The following VPS13B variants were observed in gnomAD, a reference collection of about 807,000 sequenced individuals.
The protein encoded by VPS13B is vacuolar protein sorting 13 homolog B, also known as intermembrane lipid transfer protein VPS13B.
A neutral mutation model predicts 426.4 loss-of-function variants in VPS13B; 285 were observed. That is an observed-to-expected ratio of 0.67 (90% CI 0.61 to 0.74). The LOEUF is 0.74. Ranked by LOEUF, VPS13B falls within the 30% of genes least tolerant of loss-of-function variation. The probability of loss-of-function intolerance (pLI) is 0.00; values close to 1 mark genes in which losing one functional copy is unlikely to be tolerated. For synonymous variants in VPS13B, 1,676 were observed against 1,676.4 expected, an observed-to-expected ratio of 1.00 and a Z score of 0.01; for missense variants, 4,537 against 4,782.6, an observed-to-expected ratio of 0.95 and a Z score of 1.51.
chr8:99,180,199 T>TACC (rs1812871492), intron 16 of VPS13B, among the ~76,000 whole-genome samples: 1 of 152,214 alleles, frequency 6.6e-6, no homozygotes, highest in Non-Finnish European at 1.5e-5. Flanking sequence ...GTTTGTTTGC[T>TACC]ACCACACATC....
intron 32 of VPS13B, among the ~76,000 whole-genome samples, chr8:99,576,149 A>G (rs1464508122): frequency 1.3e-5 from 2 of 152,156 alleles, no homozygotes; most frequent in Non-Finnish European, 2.9e-5. Context: ...AAACTGATCA[A>G]TAGAAGAAAT....
At chr8:99,478,229 G>A (rs1316588455) in intron 24 of VPS13B, among the ~76,000 whole-genome samples, 1 of 151,380 alleles carries the variant, frequency 6.6e-6, no homozygotes, top group East Asian at 1.9e-4. Flanking sequence ...AGCATTTTGG[G>A]GTTTATATAT....
At chr8:99,279,490 C>A (rs1819061344) in intron 19 of VPS13B, among the ~76,000 whole-genome samples, 2 of 132,818 alleles carry the variant, frequency 1.5e-5, no homozygotes, top group Middle Eastern at 3.8e-3. Context: ...GAACTCCTGG[C>A]CTCACGTAAT....
chr8:99,848,704 C>G, intron 54 of VPS13B, 72 bp from the exon 55 acceptor site: 1 of 1,358,748 alleles, frequency 7.4e-7, no homozygotes, highest in African/African-American at 1.4e-5. Flanking sequence ...GAACTGGAGA[C>G]ATTTGAAGTC....
intron 35 of VPS13B, among the ~76,000 whole-genome samples, chr8:99,672,861 G>T (rs1830775122): frequency 6.6e-6 from 1 of 151,966 alleles, no homozygotes; most frequent in Non-Finnish European, 1.5e-5. Flanking sequence ...AAGGGATTTT[G>T]AATTTTGTCA....
chr8:99,427,871 A>G (rs535387615), intron 21 of VPS13B, among the ~76,000 whole-genome samples: 8 of 152,310 alleles, frequency 5.3e-5, no homozygotes, highest in Admixed American at 5.2e-4. Flanking sequence ...GTATCAGGCT[A>G]CCTGACTTCA....
At chr8:99,067,560 T>C (rs1429719888) in intron 3 of VPS13B, among the ~76,000 whole-genome samples, 1 of 152,178 alleles carries the variant, frequency 6.6e-6, no homozygotes, top group Non-Finnish European at 1.5e-5. Context: ...AGTTAATGGG[T>C]GCAGCAAAAC....
At chr8:99,585,995 T>A (rs1178741090) in intron 33 of VPS13B, among the ~76,000 whole-genome samples, 2 of 152,194 alleles carry the variant, frequency 1.3e-5, no homozygotes. Flanking sequence ...TTAGCCCACA[T>A]GAGAGTGAAA....
At chr8:99,845,572 G>A (rs1815939985) in intron 54 of VPS13B, among the ~76,000 whole-genome samples, 1 of 152,142 alleles carries the variant, frequency 6.6e-6, no homozygotes, top group Non-Finnish European at 1.5e-5. Context: ...TGGCAAGCAG[G>A]AAAACCCCAA....
At position 99,818,758 on chromosome 8, in the gene VPS13B, C is replaced by T. The variant is rs1225650820; in HGVS notation, c.8491C>T (p.Pro2831Ser). ...LFIMRSHLPD[P>S]IIIHLEKRSL... Reference sequence around the variant, plus strand: ...TATCATGAGGAGTCATCTTCCAGACCCCATTATCATACATTTGGAGAAAAG... The same window carrying T: ...TATCATGAGGAGTCATCTTCCAGACTCCATTATCATACATTTGGAGAAAAG... The change falls in exon 47 of 62, where the codon CCC becomes TCC. Residue 2831 changes from proline (P) to serine (S), a missense_variant. By Grantham distance (74) the Pro-to-Ser change is moderately conservative. Around this residue, in one of 2 missense-constraint regions of VPS13B, gnomAD observed 4,311 missense variants for 4,474.3 expected, o/e 0.96. Coordinates refer to ENST00000357162, the MANE Select transcript of VPS13B (RefSeq NM_152564.5). The T allele has an allele frequency of 3.1e-6, 5 of 1,613,664 alleles. No homozygotes were observed. Among genetic ancestry groups the T allele is most frequent in the Non-Finnish European group, 4.2e-6 (5 of 1,179,936 alleles).
chr8:99,625,082 C>T (rs1419951357), intron 33 of VPS13B, among the ~76,000 whole-genome samples: 1 of 152,050 alleles, frequency 6.6e-6, no homozygotes, highest in African/African-American at 2.4e-5. Context: ...GCCTCAGCCT[C>T]CCAAAGTGCT....
chr8:99,556,262 A>G (rs1824556112), intron 30 of VPS13B, among the ~76,000 whole-genome samples, 188 bp from the exon 31 acceptor site: 1 of 152,022 alleles, frequency 6.6e-6, no homozygotes, highest in East Asian at 1.9e-4. Context: ...TAAGTTTTGG[A>G]TATGTTTTCA....
intron 21 of VPS13B, among the ~76,000 whole-genome samples, chr8:99,429,204 C>A (rs1588369049): frequency 6.6e-6 from 1 of 151,472 alleles, no homozygotes; most frequent in Middle Eastern, 3.4e-3. Flanking sequence ...TGGGTGCAGC[C>A]CACCAACATG....
intron 19 of VPS13B, among the ~76,000 whole-genome samples, chr8:99,360,200 CTCTCTCTCTCTTTCTT>C (rs1368843906): frequency 7.4e-5 from 3 of 40,780 alleles, no homozygotes; most frequent in African/African-American, 3.7e-4. Context: ...CTCTCTCTCT[CTCTCTCTCTCTTTCTT>C]TCTTTCTTTC....
intron 19 of VPS13B, among the ~76,000 whole-genome samples, chr8:99,321,675 G>A (rs1341517831): frequency 6.6e-6 from 1 of 151,992 alleles, no homozygotes; most frequent in Non-Finnish European, 1.5e-5. Flanking sequence ...CATTTCCAAG[G>A]CTGAGAAGGT....
chr8:99,509,372 T>G (rs1477820861), intron 28 of VPS13B, among the ~76,000 whole-genome samples: 1 of 152,150 alleles, frequency 6.6e-6, no homozygotes, highest in Non-Finnish European at 1.5e-5. Context: ...GGAAAGATGA[T>G]TATACTGCAC....
chr8:99,772,926 G>A (rs1188608861), intron 40 of VPS13B, among the ~76,000 whole-genome samples: 2 of 152,186 alleles, frequency 1.3e-5, no homozygotes, highest in Admixed American at 6.5e-5. Context: ...GTGAACCAAC[G>A]TTGAGAGACA....
At chr8:99,684,968 A>G (rs1449805408) in intron 35 of VPS13B, among the ~76,000 whole-genome samples, 2 of 151,988 alleles carry the variant, frequency 1.3e-5, no homozygotes, top group African/African-American at 4.8e-5. Context: ...AACCTGGCTA[A>G]TTTTTTGTAT....
At position 99,809,524 on chromosome 8, in the gene VPS13B, A is replaced by G. The variant is rs1563484405; in HGVS notation, c.8091A>G (p.Gln2697=). ...AGGTTCAGCAACTCAATGGAGTACA[A>G]AAACAGGTAAGTTTCTTTGTGTTCA... ...IIKVQQLNGV[Q]KQIIICGRQI... The change falls in exon 44 of 62, where the codon CAA becomes CAG. Residue 2697 remains glutamine, a synonymous_variant. Transcript: ENST00000357162. 1 of 1,614,052 alleles carries G rather than the reference A, an allele frequency of 6.2e-7. No individual in the cohort carries two copies. The highest frequency in any genetic ancestry group is 1.7e-5 in the Admixed American group (1 of 60,020).
Sources: allele counts gnomAD v4.1 joint callset (sites outside exome capture counted in the v4.1 genomes callset), GRCh38; gene constraint gnomAD v4.1.1; regional missense constraint gnomAD v4.1.1; transcripts MANE v1.5; gene names NCBI Gene and HGNC (gene_info 2026-07-23, HGNC 2026-07-21).